Variants in SOX6 observed in about 807,000 individuals in gnomAD.
The protein encoded by SOX6 is transcription factor SOX-6.
In SOX6, 11 loss-of-function variants were observed where a neutral mutation model predicts 97.8. The ratio of observed to expected loss-of-function variants is 0.11; its 90% CI spans 0.07 to 0.19. SOX6 has a LOEUF of 0.19. Ranked by LOEUF, SOX6 falls within the 10% of genes least tolerant of loss-of-function variation. The probability of loss-of-function intolerance (pLI) is 1.00; values close to 1 mark genes in which losing one functional copy is unlikely to be tolerated. For missense variants in SOX6, 810 were observed against 1,039.5 expected (o/e 0.78, Z 3.04); for synonymous variants, 360 against 371.4 (o/e 0.97, Z 0.35).
chr11:16,634,325 GA>G (rs1289599476), intron 3 of SOX6, among the ~76,000 whole-genome samples: 1 of 146,478 alleles, frequency 6.8e-6, no homozygotes, highest in East Asian at 2.0e-4. Context: ...GAAAAGAGAA[GA>G]AAAAAATGGA....
intron 1 of SOX6, among the ~76,000 whole-genome samples, chr11:16,401,197 A>T (rs1858549039): frequency 6.6e-6 from 1 of 151,616 alleles, no homozygotes; most frequent in Admixed American, 6.6e-5. Context: ...ATTGTAAATT[A>T]TAACAACGCA....
chr11:16,251,867 T>C (rs1020443075), intron 3 of SOX6, among the ~76,000 whole-genome samples: 1 of 152,128 alleles, frequency 6.6e-6, no homozygotes, highest in African/African-American at 2.4e-5. Flanking sequence ...ATTCCAGGAA[T>C]GCGAAGTTGC....
At chr11:16,520,276 C>T (rs1187718580) in intron 4 of SOX6, among the ~76,000 whole-genome samples, 2 of 152,092 alleles carry the variant, frequency 1.3e-5, no homozygotes, top group Non-Finnish European at 1.5e-5. Flanking sequence ...TTTGCCTAGG[C>T]CAATGATGAG....
intron 3 of SOX6, among the ~76,000 whole-genome samples, chr11:16,678,460 GA>G (rs1847901362): frequency 6.6e-6 from 1 of 152,100 alleles, no homozygotes; most frequent in Admixed American, 6.6e-5. Flanking sequence ...TTGCCATAAA[GA>G]AATATCTGAA....
chr11:16,419,095 C>G (rs1200114103), intron 1 of SOX6, among the ~76,000 whole-genome samples: 1 of 152,162 alleles, frequency 6.6e-6, no homozygotes, highest in East Asian at 1.9e-4. Flanking sequence ...AATATCTTCA[C>G]TTATCAATCA....
rs1182267809 is a variant in SOX6, at chr11:16,610,964, C to A, written n.609+1117G>T. On this transcript the variant is annotated intron_variant and non_coding_transcript_variant, in intron 4 of 5. Transcript: ENST00000524520. This position sits in a 1 kb window ranked among gnomAD's most constrained non-coding sequence, Gnocchi z 4.4. ...ATCCCCTGGGGGTTGGAGCCCCACG[C>A]GGCGCAAGAACCCCGGGCGCTGAGC... Among the ~76,000 whole-genome samples the A allele has an allele frequency of 6.6e-6, 1 of 152,166 alleles. No homozygotes were observed. Among genetic ancestry groups the A allele is most frequent in the Non-Finnish European group, 1.5e-5 (1 of 68,042 alleles).
chr11:16,630,973 T>A (rs1363967612), intron 3 of SOX6, among the ~76,000 whole-genome samples: 1 of 151,174 alleles, frequency 6.6e-6, no homozygotes, highest in Non-Finnish European at 1.5e-5. Flanking sequence ...AGCCTATGGA[T>A]GTTGTTATGT....
At chr11:16,647,267 T>C (rs1849028891) in intron 3 of SOX6, among the ~76,000 whole-genome samples, 1 of 152,162 alleles carries the variant, frequency 6.6e-6, no homozygotes, top group African/African-American at 2.4e-5. Context: ...TTGAGACTGA[T>C]ATGATTTCTA....
chr11:16,139,823 T>C (rs1198827534), intron 6 of SOX6, among the ~76,000 whole-genome samples: 4 of 151,638 alleles, frequency 2.6e-5, no homozygotes, highest in Non-Finnish European at 5.9e-5. Flanking sequence ...GATATGGACA[T>C]ATATATATAA....
chr11:16,331,410 C>T (rs1856294479), intron 2 of SOX6, among the ~76,000 whole-genome samples: 1 of 152,082 alleles, frequency 6.6e-6, no homozygotes, highest in Non-Finnish European at 1.5e-5. Context: ...GAACAGATTG[C>T]TTTATGTGTC....
At chr11:16,095,913 T>TAA in intron 9 of SOX6, 83 bp downstream of exon 9, 2 of 1,348,772 alleles carry the variant, frequency 1.5e-6, no homozygotes, top group Non-Finnish European at 2.1e-6. Context: ...GTTTGCCACT[T>TAA]TAAAAAAAAA....
At chr11:16,665,959 C>A (rs1847804399) in intron 3 of SOX6, among the ~76,000 whole-genome samples, 1 of 152,194 alleles carries the variant, frequency 6.6e-6, no homozygotes, top group South Asian at 2.1e-4. Flanking sequence ...TGTAAGTCTG[C>A]AAGAGCCACA....
chr11:16,469,068 G>T (rs1426457672), intron 1 of SOX6, among the ~76,000 whole-genome samples: 1 of 149,842 alleles, frequency 6.7e-6, no homozygotes, highest in Non-Finnish European at 1.5e-5. Flanking sequence ...AGAGGAACTT[G>T]GTACAGCGAA....
In SOX6 at chr11:16,738,412, G is replaced by C. The variant is rs1399858907; in HGVS notation, n.219+13C>G. On this transcript the variant is annotated intron_variant and non_coding_transcript_variant, in intron 1 of 5. Coordinates refer to the SOX6 transcript ENST00000524520. Reference sequence around the variant, plus strand: ...CTCCTCCTGTGGCGACAAAGCTCTCGGCCAACGCTCACCGCCATACACATC... The same window carrying C: ...CTCCTCCTGTGGCGACAAAGCTCTCCGCCAACGCTCACCGCCATACACATC... 6 of 290,008 alleles carry C rather than the reference G, an allele frequency of 2.1e-5. No individual in the cohort carries two copies. In the South Asian group the frequency reaches 2.6e-4, roughly 13 times the overall value. The allele number at this position is 290,008 out of a possible 1,614,324, so 18.0% of individuals were successfully genotyped here.
At chr11:16,122,468 C>T (rs1442669494) in intron 6 of SOX6, among the ~76,000 whole-genome samples, 1 of 151,890 alleles carries the variant, frequency 6.6e-6, no homozygotes, top group Non-Finnish European at 1.5e-5. Flanking sequence ...GTATAAATGC[C>T]ATTTAAATAT....
intron 15 of SOX6, among the ~76,000 whole-genome samples, chr11:15,983,525 A>G (rs2119817569): frequency 6.6e-6 from 1 of 152,246 alleles, no homozygotes; most frequent in Middle Eastern, 3.4e-3. Context: ...CAATAGAAAT[A>G]TTTGAATTTT....
chr11:16,213,702 C>A (rs916494812), intron 4 of SOX6, among the ~76,000 whole-genome samples: 2 of 152,072 alleles, frequency 1.3e-5, no homozygotes, highest in African/African-American at 2.4e-5. Flanking sequence ...ATGATCCATT[C>A]CCACAGGATT....
At chr11:16,120,412 T>A (rs1849460100) in intron 6 of SOX6, among the ~76,000 whole-genome samples, 1 of 151,794 alleles carries the variant, frequency 6.6e-6, no homozygotes, top group Non-Finnish European at 1.5e-5. Context: ...CTAGCACTCT[T>A]CAAAATTCTC....
intron 4 of SOX6, among the ~76,000 whole-genome samples, chr11:16,197,116 G>A (rs1255788872): frequency 1.3e-5 from 2 of 152,032 alleles, no homozygotes; most frequent in African/African-American, 4.8e-5. Flanking sequence ...TTACAGGCGG[G>A]AGCCACCACG....
Sources: allele counts gnomAD v4.1 joint callset (sites outside exome capture counted in the v4.1 genomes callset), GRCh38; gene constraint gnomAD v4.1.1; non-coding constraint Gnocchi (gnomAD v3.1); transcripts MANE v1.5; gene names NCBI Gene and HGNC (gene_info 2026-07-23, HGNC 2026-07-21).